The following BBOF1 variants were observed in gnomAD, a reference collection of about 807,000 sequenced individuals.
BBOF1 encodes the protein basal body orientation factor 1.
A neutral mutation model predicts 68.0 loss-of-function variants in BBOF1; 62 were observed. The ratio of observed to expected loss-of-function variants is 0.91; its 90% CI spans 0.74 to 1.13. The LOEUF is 1.13. BBOF1 is among the 50% of genes most tolerant of loss of function. The pLI is 0.00. For missense variants in BBOF1, 534 were observed against 600.1 expected, an observed-to-expected ratio of 0.89 and a Z score of 1.15; for synonymous variants, 208 against 198.8, an observed-to-expected ratio of 1.05 and a Z score of -0.39.
downstream of BBOF1, chr14:74,066,962 TC>T: frequency 6.9e-7 from 1 of 1,445,512 alleles, no homozygotes; most frequent in Non-Finnish European, 9.7e-7. Flanking sequence ...ATGCCTGTAA[TC>T]CCAAAGCTTT....
chr14:74,036,973 CTTT>C (rs548819182), intron 4 of BBOF1, among the ~76,000 whole-genome samples: 2 of 104,402 alleles, frequency 1.9e-5, no homozygotes, highest in Non-Finnish European at 3.9e-5. Flanking sequence ...TTTCTTTTTT[CTTT>C]TTTTTTTTTT....
intron 2 of BBOF1, among the ~76,000 whole-genome samples, chr14:74,026,444 C>CAAAAAAAAAAAAA (rs1166375665): frequency 3.0e-5 from 1 of 33,082 alleles, no homozygotes; most frequent in African/African-American, 1.1e-4. Flanking sequence ...AACTCCATCT[C>CAAAAAAAAAAAAA]AAAAAAAAAA....
chr14:74,037,074 G>A (rs1367946767), intron 4 of BBOF1, among the ~76,000 whole-genome samples: 3 of 141,572 alleles, frequency 2.1e-5, no homozygotes, highest in Non-Finnish European at 4.5e-5. Flanking sequence ...CCAGGTTCAA[G>A]CGATTCTCCT....
chr14:74,022,406 G>A (rs1421799055), intron 1 of BBOF1, among the ~76,000 whole-genome samples: 1 of 152,076 alleles, frequency 6.6e-6, no homozygotes, highest in African/African-American at 2.4e-5. Flanking sequence ...AAATTAGCTG[G>A]GCATAGTTGC....
At chr14:74,047,804 C>A in intron 6 of BBOF1, 126 bp from the exon 7 acceptor site, 1 of 779,884 alleles carries the variant, frequency 1.3e-6, no homozygotes, top group Non-Finnish European at 2.0e-6. Context: ...GAGTACCCAC[C>A]ATAAGCTAAA....
intron 7 of BBOF1, chr14:74,048,415 A>G (rs2059996855): frequency 6.1e-6 from 1 of 163,328 alleles, no homozygotes; most frequent in African/African-American, 2.4e-5. Context: ...TGGCATCACC[A>G]CACAAGGGTT....
At chr14:74,048,954 C>A (rs897566873) in intron 7 of BBOF1, among the ~76,000 whole-genome samples, 3 of 152,152 alleles carry the variant, frequency 2.0e-5, no homozygotes, top group African/African-American at 7.2e-5. Context: ...CTCACTGCAA[C>A]CTTTACCTCC....
intron 12 of BBOF1, among the ~76,000 whole-genome samples, chr14:74,081,735 T>C (rs2060669707): frequency 6.6e-6 from 1 of 152,192 alleles, no homozygotes; most frequent in Non-Finnish European, 1.5e-5. Flanking sequence ...GATACTCCTA[T>C]TGTTTATCAC....
intron 11 of BBOF1, chr14:74,060,747 C>T (rs1295225148): frequency 1.2e-6 from 2 of 1,600,954 alleles, no homozygotes; most frequent in African/African-American, 2.7e-5. Context: ...ATTGGATGCC[C>T]TAAGGAAAAC....
At chr14:74,037,274 CTTT>C (rs892262272) in intron 4 of BBOF1, among the ~76,000 whole-genome samples, 10 of 65,998 alleles carry the variant, frequency 1.5e-4, no homozygotes, top group Admixed American at 5.3e-4. Flanking sequence ...CGCCTGGCCT[CTTT>C]TTTTTTTTTT....
chr14:74,028,883 G>A lies in BBOF1; in HGVS notation c.286-301G>A, dbSNP rs558662471. Among the ~76,000 whole-genome samples, 5 of 151,760 alleles carry A rather than the reference G, an allele frequency of 3.3e-5. No homozygotes were observed. In the South Asian group the frequency reaches 8.3e-4, roughly 25 times the overall value. On this transcript the variant is annotated intron_variant, in intron 2 of 11. Coordinates refer to ENST00000394009, the MANE Select transcript of BBOF1 (RefSeq NM_025057.3). ...GCCACCACGCCTGGCTAATTTCATA[G>A]TTTTAGTAGAGAAGGGGTTTCTCCA...
At chr14:74,078,474 C>T in intron 10 of BBOF1, 1 of 264,130 alleles carries the variant, frequency 3.8e-6, no homozygotes, top group South Asian at 3.7e-5. Flanking sequence ...CTGCCTCAGC[C>T]TCCCAAATAG....
intron 9 of BBOF1, chr14:74,071,399 G>A (rs1566833067): frequency 2.5e-6 from 4 of 1,614,202 alleles, no homozygotes; most frequent in Non-Finnish European, 3.4e-6. Flanking sequence ...CACACTCCCA[G>A]AGGCAGACGG....
intron 5 of BBOF1, among the ~76,000 whole-genome samples, chr14:74,042,857 C>T (rs1330598774): frequency 7.3e-6 from 1 of 136,428 alleles, no homozygotes; most frequent in East Asian, 2.2e-4. Flanking sequence ...CTCTCTCTCT[C>T]TCTTATACAC....
chr14:74,043,556 CAAAAAAA>C (rs1162364604), intron 5 of BBOF1, among the ~76,000 whole-genome samples: 14 of 26,820 alleles, frequency 5.2e-4, no homozygotes, highest in South Asian at 2.0e-3. Context: ...GACTCCGTCT[CAAAAAAA>C]AAAAAAAAAA....
intron 5 of BBOF1, among the ~76,000 whole-genome samples, chr14:74,044,472 TC>T (rs1248137322): frequency 2.2e-5 from 1 of 46,348 alleles, no homozygotes; most frequent in Non-Finnish European, 3.7e-5. Context: ...ACCAACCTCT[TC>T]TCTTTTTTTT....
chr14:74,043,096 C>T lies in BBOF1; in HGVS notation c.576+2451C>T, dbSNP rs185477305. Among the ~76,000 whole-genome samples the T allele has an allele frequency of 3.5e-4, 53 of 152,256 alleles. No homozygotes were observed. The East Asian group carries it at 8.5e-3, about 24-fold the overall frequency. On this transcript the variant is annotated intron_variant, in intron 5 of 11. Coordinates refer to ENST00000394009, the MANE Select transcript of BBOF1 (RefSeq NM_025057.3). Reference sequence around the variant, plus strand: ...GGTGCTGCAGCTTCATGGCATTGGGCTTTCCAATCGGCCTGTTCATTTACT... The same window carrying T: ...GGTGCTGCAGCTTCATGGCATTGGGTTTTCCAATCGGCCTGTTCATTTACT...
chr14:74,046,988 CAAGTGTTGGG>C (rs2059965977), intron 6 of BBOF1: 1 of 152,202 alleles, frequency 6.6e-6, no homozygotes, highest in African/African-American at 2.4e-5. Context: ...TCGGGCTTCC[CAAGTGTTGGG>C]ATTACAGATG....
chr14:74,056,929 C>T lies in BBOF1; in HGVS notation c.1412C>T (p.Pro471Leu). 1 of 1,613,810 alleles carries T rather than the reference C, an allele frequency of 6.2e-7. No homozygotes were observed. The highest frequency in any genetic ancestry group is 8.5e-7 in the Non-Finnish European group (1 of 1,179,818). The change falls in exon 10 of 12, where the codon CCT becomes CTT. Residue 471 changes from proline to leucine, a missense_variant. Physicochemically the swap from Pro to Leu is moderately conservative, Grantham distance 98. Coordinates refer to ENST00000394009, the MANE Select transcript of BBOF1 (RefSeq NM_025057.3). ...PSRKYNQSSRPPVPDYVVSDS... is the reference protein window; with the variant it reads ...PSRKYNQSSRLPVPDYVVSDS... ...AGGAAATACAACCAGAGTTCTAGGC[C>T]TCCAGTTCCAGACTATGTTGTTTCT... is the stretch of plus-strand genomic sequence containing the variant.
Sources: gnomAD v4.1 joint callset for allele counts (sites outside exome capture counted in the v4.1 genomes callset) on GRCh38, gnomAD v4.1.1 for gene constraint, MANE v1.5 for transcripts, NCBI Gene and HGNC (gene_info 2026-07-23, HGNC 2026-07-21) for gene names.